ZNF804B: variants seen among roughly 807,000 people sequenced by gnomAD.
ZNF804B encodes the protein zinc finger 804B.
Under a neutral mutation model 101.4 loss-of-function variants are expected in ZNF804B, and 80 were observed. That is an observed-to-expected ratio of 0.79 (90% CI 0.66 to 0.95). The LOEUF (loss-of-function observed/expected upper bound fraction) is 0.95, where lower values mean the gene tolerates loss of function less well. Among genes scored for constraint, ZNF804B ranks in the 40% least tolerant of loss-of-function variants. The pLI is 0.00. For synonymous variants in ZNF804B, 622 were observed against 558.8 expected (o/e 1.11, Z -1.59); for missense variants, 1,673 against 1,561.9 (o/e 1.07, Z -1.20).
intron 2 of ZNF804B, among the ~76,000 whole-genome samples, chr7:89,272,399 A>G (rs1045512374): frequency 1.3e-5 from 2 of 152,272 alleles, no homozygotes; most frequent in South Asian, 4.1e-4. Context: ...TTTTGTTAAA[A>G]TTGATTAATT....
chr7:89,271,773 C>T (rs1562933223), intron 2 of ZNF804B, among the ~76,000 whole-genome samples: 1 of 152,074 alleles, frequency 6.6e-6, no homozygotes, highest in Non-Finnish European at 1.5e-5. Context: ...TTCAGGGATT[C>T]AACTTCTTCC....
chr7:88,874,306 T>G (rs1295703171), intron 1 of ZNF804B, among the ~76,000 whole-genome samples: 1 of 152,020 alleles, frequency 6.6e-6, no homozygotes, highest in Non-Finnish European at 1.5e-5. Flanking sequence ...CTTTTGATTT[T>G]TGTACATTGA....
intron 1 of ZNF804B, among the ~76,000 whole-genome samples, chr7:88,855,040 T>C: frequency 6.6e-6 from 1 of 152,110 alleles, no homozygotes; most frequent in Admixed American, 6.5e-5. Flanking sequence ...GTCTTTGCTA[T>C]TGTGAATAGT....
chr7:88,909,467 T>G (rs1050123544), intron 1 of ZNF804B, among the ~76,000 whole-genome samples: 8 of 151,740 alleles, frequency 5.3e-5, no homozygotes, highest in African/African-American at 1.9e-4. Flanking sequence ...TTTAAATAGG[T>G]GATTTAAAAA....
intron 1 of ZNF804B, among the ~76,000 whole-genome samples, chr7:88,796,371 G>A (rs1790485114): frequency 6.6e-6 from 1 of 152,034 alleles, no homozygotes; most frequent in Non-Finnish European, 1.5e-5. Context: ...AATTAATTGT[G>A]TAATACATAA....
chr7:89,323,091 G>C (rs767135044), intron 2 of ZNF804B, among the ~76,000 whole-genome samples: 1 of 152,204 alleles, frequency 6.6e-6, no homozygotes, highest in Non-Finnish European at 1.5e-5. Context: ...AAGAGAGCTT[G>C]CCTCTTCTCT....
intron 1 of ZNF804B, among the ~76,000 whole-genome samples, chr7:88,846,486 T>C (rs1305002553): frequency 6.6e-6 from 1 of 152,130 alleles, no homozygotes; most frequent in African/African-American, 2.4e-5. Context: ...AGGGATGTGC[T>C]AGTCAGAGTG....
At chr7:88,998,801 G>A (rs1788240271) in intron 1 of ZNF804B, among the ~76,000 whole-genome samples, 1 of 152,004 alleles carries the variant, frequency 6.6e-6, no homozygotes, top group Non-Finnish European at 1.5e-5. Flanking sequence ...GCCAAAAGCA[G>A]GGGTGCAGGG....
At chr7:89,164,913 C>T (rs1386379807) in intron 1 of ZNF804B, among the ~76,000 whole-genome samples, 1 of 151,964 alleles carries the variant, frequency 6.6e-6, no homozygotes, top group African/African-American at 2.4e-5. Context: ...TTGCTCTATA[C>T]CATATATTTT....
chr7:89,332,873 A>G (rs545031766), intron 3 of ZNF804B, among the ~76,000 whole-genome samples: 1 of 151,998 alleles, frequency 6.6e-6, no homozygotes, highest in African/African-American at 2.4e-5. Flanking sequence ...TTCAAAAGTA[A>G]GTGAATATGA....
intron 1 of ZNF804B, among the ~76,000 whole-genome samples, chr7:88,826,770 A>G (rs1791057028): frequency 6.6e-6 from 1 of 152,194 alleles, no homozygotes; most frequent in Admixed American, 6.6e-5. Context: ...CATAGGTTAC[A>G]TAATTTCAGA....
intron 1 of ZNF804B, among the ~76,000 whole-genome samples, chr7:88,914,737 G>A (rs1792607510): frequency 6.6e-6 from 1 of 152,114 alleles, no homozygotes; most frequent in Non-Finnish European, 1.5e-5. Flanking sequence ...ATTAAATGTA[G>A]GAGCTAATTA....
At chr7:89,055,799 G>T (rs1371686073) in intron 1 of ZNF804B, among the ~76,000 whole-genome samples, 1 of 152,014 alleles carries the variant, frequency 6.6e-6, no homozygotes, top group African/African-American at 2.4e-5. Flanking sequence ...AAAAAGGTGA[G>T]GGGTAGAGCT....
chr7:89,315,372 G>A (rs1790708564), intron 2 of ZNF804B, among the ~76,000 whole-genome samples: 1 of 152,070 alleles, frequency 6.6e-6, no homozygotes, highest in Admixed American at 6.6e-5. Flanking sequence ...ATCAAGGTAA[G>A]CAAGTGATTA....
intron 1 of ZNF804B, among the ~76,000 whole-genome samples, chr7:88,837,460 G>A (rs1298355644): frequency 6.6e-6 from 1 of 151,822 alleles, no homozygotes; most frequent in African/African-American, 2.4e-5. Context: ...GTTAGTATTG[G>A]AAGAACTGCA....
intron 1 of ZNF804B, among the ~76,000 whole-genome samples, chr7:89,153,949 T>C (rs531745198): frequency 7.9e-5 from 12 of 152,266 alleles, no homozygotes; most frequent in Admixed American, 2.6e-4. Flanking sequence ...ACTCAGATGC[T>C]TCTTTGCTTA....
chr7:89,197,300 G>A (rs544639768), intron 1 of ZNF804B, among the ~76,000 whole-genome samples: 29 of 151,984 alleles, frequency 1.9e-4, no homozygotes, highest in African/African-American at 7.0e-4. Context: ...AGGCCTCAGT[G>A]CCTGACTGCA....
At chr7:88,972,509 T>C (rs999596994) in intron 1 of ZNF804B, among the ~76,000 whole-genome samples, 8 of 151,376 alleles carry the variant, frequency 5.3e-5, no homozygotes, top group African/African-American at 1.9e-4. Context: ...TAGCATAGCC[T>C]ATGTACTTAA....
chr7:89,006,074 ATATAT>A, intron 1 of ZNF804B, among the ~76,000 whole-genome samples: 1 of 152,246 alleles, frequency 6.6e-6, no homozygotes, highest in South Asian at 2.1e-4. Flanking sequence ...TTATGGGAAT[ATATAT>A]ATCATGCAAC....
Sources: gnomAD v4.1 joint callset for allele counts (sites outside exome capture counted in the v4.1 genomes callset) on GRCh38, gnomAD v4.1.1 for gene constraint, MANE v1.5 for transcripts, NCBI Gene and HGNC (gene_info 2026-07-23, HGNC 2026-07-21) for gene names.